The following CNTNAP2 variants were observed in gnomAD, a reference collection of about 807,000 sequenced individuals.
CNTNAP2 encodes the protein contactin-associated protein-like 2.
In CNTNAP2, 98 loss-of-function variants were observed where a neutral mutation model predicts 155.2. The ratio of observed to expected loss-of-function variants is 0.63; its 90% CI spans 0.54 to 0.75. The LOEUF (loss-of-function observed/expected upper bound fraction) is 0.75. Ranked by LOEUF, CNTNAP2 falls within the 30% of genes least tolerant of loss-of-function variation. The pLI is 0.00. For missense variants in CNTNAP2, 1,727 were observed against 1,688.1 expected (o/e 1.02, Z -0.40); for synonymous variants, 651 against 631.2 (o/e 1.03, Z -0.47).
intron 8 of CNTNAP2, among the ~76,000 whole-genome samples, chr7:147,177,183 G>A (rs983789450): frequency 7.9e-5 from 12 of 151,612 alleles, no homozygotes; most frequent in Non-Finnish European, 1.3e-4. Flanking sequence ...GCTGAGGGAA[G>A]CAACTTAAAA....
At chr7:146,633,785 G>A (rs1432716347) in intron 1 of CNTNAP2, among the ~76,000 whole-genome samples, 3 of 134,706 alleles carry the variant, frequency 2.2e-5, no homozygotes, top group Admixed American at 7.7e-5. Context: ...AGCTTAGATC[G>A]TGCCACTGCA....
chr7:147,188,428 G>A (rs1584780761), intron 8 of CNTNAP2, among the ~76,000 whole-genome samples: 1 of 152,320 alleles, frequency 6.6e-6, no homozygotes, highest in Middle Eastern at 3.4e-3. Context: ...TAGTAAGGAT[G>A]TAATATTGAT....
intron 1 of CNTNAP2, among the ~76,000 whole-genome samples, chr7:146,380,039 T>G (rs1795359050): frequency 6.6e-6 from 1 of 152,218 alleles, no homozygotes; most frequent in Admixed American, 6.5e-5. Flanking sequence ...TCTCTTTCCT[T>G]TTCAGGTAAC....
At chr7:148,275,206 C>T (rs6464865) in intron 21 of CNTNAP2, among the ~76,000 whole-genome samples, 150,399 of 152,292 alleles carry the variant, frequency 0.99, 74,291 homozygotes, top group Middle Eastern at 1. Flanking sequence ...TGGGTCACAT[C>T]TTTAGAGCTT....
chr7:147,318,663 G>A (rs1198509933), intron 9 of CNTNAP2, among the ~76,000 whole-genome samples: 3 of 151,808 alleles, frequency 2.0e-5, no homozygotes, highest in Non-Finnish European at 2.9e-5. Flanking sequence ...GGGGCCTATC[G>A]GGAGGTGGGG....
In CNTNAP2 at chr7:148,061,906, G is replaced by GATAAACAGAT. The variant is rs1193518934; in HGVS notation, c.2384-56209_2384-56208insAACAGATATA. Among the ~76,000 whole-genome samples, 9 of 118,218 alleles carry GATAAACAGAT rather than the reference G, an allele frequency of 7.6e-5. No individual in the cohort carries two copies. The East Asian group carries it at 1.0e-3, about 14-fold the overall frequency. 77.6% of individuals were successfully genotyped at this position (118,218 alleles called of 152,430 possible). A position where few individuals can be genotyped will look rare whatever the true frequency, so the allele number is the denominator to read the frequency against. The stretch of plus-strand genomic sequence containing the variant: ...AGATAGATAGATAGATAGATAGATA[G>GATAAACAGAT]ATAGATAAACAGATATAGATAGATA... On this transcript the variant is annotated intron_variant, in intron 15 of 23. Coordinates refer to ENST00000361727, the MANE Select transcript of CNTNAP2 (RefSeq NM_014141.6).
At chr7:147,129,538 T>G (rs1801307748) in intron 7 of CNTNAP2, among the ~76,000 whole-genome samples, 1 of 152,158 alleles carries the variant, frequency 6.6e-6, no homozygotes. Context: ...GCAATTTTAG[T>G]ATGAGAGTTC....
At position 146,877,615 on chromosome 7, in the gene CNTNAP2, ATGTG is replaced by A. The variant is rs909416983; in HGVS notation, c.402+37717_402+37720del. Among the ~76,000 whole-genome samples, 13 of 139,854 alleles carry A rather than the reference ATGTG, an allele frequency of 9.3e-5. 1 individual carries two copies. Among genetic ancestry groups the A allele is most frequent in the African/African-American group, 2.5e-4 (10 of 39,442 alleles). The allele number at this position is 139,854 out of a possible 152,430, so 91.7% of individuals were successfully genotyped here. A position where few individuals can be genotyped will look rare whatever the true frequency, so the allele number is the denominator to read the frequency against. On this transcript the variant is annotated intron_variant, in intron 3 of 23. Coordinates refer to ENST00000361727, the MANE Select transcript of CNTNAP2 (RefSeq NM_014141.6). ...ATATACATATGTGTGTATACTATAT[ATGTG>A]TGTGTATGTATGTATGTGTGTATAT...
At chr7:146,623,974 CAT>C (rs201796881) in intron 1 of CNTNAP2, among the ~76,000 whole-genome samples, 2,465 of 152,154 alleles carry the variant, frequency 0.016, 47 homozygotes, top group Middle Eastern at 0.027. Flanking sequence ...AGTGCCACCA[CAT>C]AGTTGTTTTA....
chr7:147,523,800 G>A (rs1221628528), intron 11 of CNTNAP2, among the ~76,000 whole-genome samples: 4 of 152,172 alleles, frequency 2.6e-5, no homozygotes, highest in African/African-American at 9.7e-5. Context: ...CGTGTGCTAT[G>A]TACAGATGTC....
chr7:146,638,710 C>A (rs909976302), intron 1 of CNTNAP2, among the ~76,000 whole-genome samples: 1 of 151,818 alleles, frequency 6.6e-6, no homozygotes, highest in Non-Finnish European at 1.5e-5. Context: ...TGGTCTTGAT[C>A]TCCTGACCTC....
intron 13 of CNTNAP2, among the ~76,000 whole-genome samples, chr7:147,680,537 T>A (rs760720764): frequency 2.6e-5 from 4 of 151,908 alleles, no homozygotes; most frequent in Admixed American, 2.6e-4. Flanking sequence ...TGGGGACTTT[T>A]GTGAGGTCTA....
chr7:148,119,763 G>T (rs1804560674), intron 16 of CNTNAP2, among the ~76,000 whole-genome samples: 1 of 152,094 alleles, frequency 6.6e-6, no homozygotes, highest in African/African-American at 2.4e-5. Context: ...GTGGGATTGT[G>T]ATGAGAATAG....
At chr7:147,709,047 A>T (rs778896212) in intron 13 of CNTNAP2, among the ~76,000 whole-genome samples, 82 of 152,240 alleles carry the variant, frequency 5.4e-4, no homozygotes, top group South Asian at 2.5e-3. Flanking sequence ...CGTTCAAAAA[A>T]CGACCCACCG....
At chr7:147,025,720 C>A (rs1329418763) in intron 3 of CNTNAP2, among the ~76,000 whole-genome samples, 1 of 151,978 alleles carries the variant, frequency 6.6e-6, no homozygotes, top group Non-Finnish European at 1.5e-5. Flanking sequence ...CAAAACCCAT[C>A]AAACTTACAG....
At chr7:147,665,029 T>A (rs976531743) in intron 13 of CNTNAP2, among the ~76,000 whole-genome samples, 7 of 152,204 alleles carry the variant, frequency 4.6e-5, no homozygotes, top group Non-Finnish European at 1.0e-4. Flanking sequence ...GTAAGAGTTG[T>A]AGATGCAAAG....
intron 3 of CNTNAP2, among the ~76,000 whole-genome samples, chr7:147,007,216 G>A (rs968749808): frequency 1.3e-5 from 2 of 152,096 alleles, no homozygotes; most frequent in African/African-American, 4.8e-5. Flanking sequence ...CTATTGAAGT[G>A]ATTTTTCTGC....
intron 3 of CNTNAP2, among the ~76,000 whole-genome samples, chr7:146,904,195 G>A (rs930576843): frequency 6.6e-6 from 1 of 151,938 alleles, no homozygotes; most frequent in Admixed American, 6.6e-5. Context: ...CATTCACACT[G>A]GCCTCCTGGT....
At chr7:147,621,646 A>C (rs1277192068) in intron 12 of CNTNAP2, among the ~76,000 whole-genome samples, 1 of 152,046 alleles carries the variant, frequency 6.6e-6, no homozygotes, top group African/African-American at 2.4e-5. Flanking sequence ...ATGGATACAC[A>C]CAAAATAAAA....
Sources: gnomAD v4.1 joint callset for allele counts (sites outside exome capture counted in the v4.1 genomes callset) on GRCh38, gnomAD v4.1.1 for gene constraint, MANE v1.5 for transcripts, NCBI Gene and HGNC (gene_info 2026-07-23, HGNC 2026-07-21) for gene names.